MYO16: variants seen among roughly 807,000 people sequenced by gnomAD.
MYO16 encodes unconventional myosin-XVI.
A neutral mutation model predicts 205.3 loss-of-function variants in MYO16; 94 were observed. The ratio of observed to expected loss-of-function variants is 0.46; its 90% CI spans 0.39 to 0.54. The LOEUF is 0.54. Ranked by LOEUF, MYO16 falls within the 20% of genes least tolerant of loss-of-function variation. MYO16 has a pLI of 0.00. For synonymous variants in MYO16, 988 were observed against 954.0 expected (o/e 1.04, Z -0.66); for missense variants, 2,315 against 2,387.5 (o/e 0.97, Z 0.63).
intron 2 of MYO16, among the ~76,000 whole-genome samples, chr13:108,675,289 G>A (rs879331199): frequency 2.0e-5 from 3 of 152,176 alleles, no homozygotes; most frequent in African/African-American, 4.8e-5. Flanking sequence ...GCCCTCCGGG[G>A]CAGGTTAGAA....
chr13:108,536,442 T>C, the MYO16 span, among the ~76,000 whole-genome samples: 1 of 149,864 alleles, frequency 6.7e-6, no homozygotes, highest in East Asian at 2.0e-4. Context: ...TCCTTGTTTC[T>C]TGGAGCTGTA....
intron 15 of MYO16, among the ~76,000 whole-genome samples, chr13:108,904,917 T>G (rs1363413422): frequency 1.3e-5 from 2 of 152,202 alleles, no homozygotes; most frequent in Non-Finnish European, 2.9e-5. Context: ...ACGCAGTTTT[T>G]TATATAGTAC....
intron 14 of MYO16, among the ~76,000 whole-genome samples, chr13:108,895,144 C>T (rs192410657): frequency 1.3e-5 from 2 of 151,828 alleles, no homozygotes. Flanking sequence ...TTAACTCCTA[C>T]CATAATAGTC....
chr13:108,534,798 TCTTC>T, the MYO16 span, among the ~76,000 whole-genome samples: 22 of 150,594 alleles, frequency 1.5e-4, no homozygotes, highest in Non-Finnish European at 2.1e-4. Context: ...TTCTTCTTCT[TCTTC>T]CTTCCTTCCT....
At chr13:108,694,373 G>A (rs1424558144) in intron 2 of MYO16, among the ~76,000 whole-genome samples, 2 of 152,088 alleles carry the variant, frequency 1.3e-5, no homozygotes, top group Non-Finnish European at 2.9e-5. Flanking sequence ...TTTCTACAGT[G>A]GCGAAACCAT....
At chr13:108,971,155 G>T (rs1174461139) in intron 20 of MYO16, among the ~76,000 whole-genome samples, 1 of 152,002 alleles carries the variant, frequency 6.6e-6, no homozygotes, top group African/African-American at 2.4e-5. Flanking sequence ...ATTAGCAAAT[G>T]TTAAATTCAA....
chr13:109,142,242 C>G (rs1244134732), intron 32 of MYO16, among the ~76,000 whole-genome samples: 1 of 152,204 alleles, frequency 6.6e-6, no homozygotes, highest in Admixed American at 6.5e-5. Context: ...ATGTCTTCCT[C>G]TTCCAAAAGA....
chr13:108,961,572 A>G lies in MYO16; in HGVS notation c.2071A>G (p.Ile691Val), dbSNP rs1254103446. ...VENLFVILAA[I>V]LHLGDIRFTA... ...GAATCTGTTCGTAATTCTAGCAGCA[A>G]TATTGCACCTTGGAGACATTCGGTT... Residue 691 changes from isoleucine to valine, a missense_variant, in exon 18 of 35, where the codon ATA becomes GTA. Physicochemically the swap from Ile to Val is conservative, Grantham distance 29. Around this residue, in one of 3 missense-constraint regions of MYO16, gnomAD observed 1,213 missense variants for 1,274.4 expected, o/e 0.95. Coordinates refer to ENST00000457511, the MANE Select transcript of MYO16 (RefSeq NM_001198950.3). 2.5e-6 allele frequency: 4 copies of G among 1,614,142 alleles called. No individual in the cohort carries two copies. Among genetic ancestry groups the G allele is most frequent in the South Asian group, 2.2e-5 (2 of 91,088 alleles).
At chr13:109,204,831 G>A (rs1880533993) in intron 34 of MYO16, among the ~76,000 whole-genome samples, 1 of 152,086 alleles carries the variant, frequency 6.6e-6, no homozygotes. Context: ...CACTTTACAG[G>A]GCTCTTAAGA....
intron 12 of MYO16, among the ~76,000 whole-genome samples, chr13:108,882,178 G>A (rs1434904138): frequency 6.6e-6 from 1 of 152,136 alleles, no homozygotes; most frequent in Admixed American, 6.5e-5. Flanking sequence ...TTTAAACAAA[G>A]GTATTCTCCT....
chr13:108,887,682 A>G (rs1271955654), intron 13 of MYO16, among the ~76,000 whole-genome samples: 1 of 152,224 alleles, frequency 6.6e-6, no homozygotes, highest in Non-Finnish European at 1.5e-5. Flanking sequence ...ACTAGAGAAC[A>G]TCAGAACTGA....
intron 20 of MYO16, among the ~76,000 whole-genome samples, chr13:108,972,530 C>T (rs947331229): frequency 2.7e-5 from 4 of 149,056 alleles, no homozygotes; most frequent in Non-Finnish European, 4.4e-5. Flanking sequence ...ACATTTCACT[C>T]GTGATCTTTT....
chr13:108,707,162 T>C (rs1883540450), intron 2 of MYO16, among the ~76,000 whole-genome samples: 1 of 152,166 alleles, frequency 6.6e-6, no homozygotes, highest in Non-Finnish European at 1.5e-5. Flanking sequence ...TCCAACAACC[T>C]GGCTAGACCC....
rs200982211 is a variant in MYO16, at chr13:108,751,720, ATGGCTT to A, written c.507+24139_507+24144del. On this transcript the variant is annotated intron_variant, in intron 4 of 34. Transcript: ENST00000457511. ...ACACCCTTCATGTGATGTCATGGGA[ATGGCTT>A]TCTACCTCTGTGAGACACCTCCAAA... Among the ~76,000 whole-genome samples the A allele has an allele frequency of 5.5e-3, 844 of 152,290 alleles. 6 individuals are homozygous for A. Among genetic ancestry groups the A allele is most frequent in the African/African-American group, 0.019 (787 of 41,554 alleles).
chr13:108,961,409 G>T, intron 17 of MYO16, 130 bp from the exon 18 acceptor site: 1 of 656,686 alleles, frequency 1.5e-6, no homozygotes. Context: ...GAACATTTGG[G>T]ATCTGCAAAC....
At chr13:108,708,998 AC>A (rs1883621583) in intron 2 of MYO16, among the ~76,000 whole-genome samples, 1 of 128,862 alleles carries the variant, frequency 7.8e-6, no homozygotes, top group Non-Finnish European at 1.6e-5. Context: ...ATGCCCCCCC[AC>A]CCCCTCCCAC....
At chr13:108,895,880 A>G (rs374095283) in intron 14 of MYO16, among the ~76,000 whole-genome samples, 1 of 152,224 alleles carries the variant, frequency 6.6e-6, no homozygotes, top group African/African-American at 2.4e-5. Flanking sequence ...TATTTGCTGA[A>G]TGTTTTCTCT....
the MYO16 span, among the ~76,000 whole-genome samples, chr13:108,545,198 T>G: frequency 6.6e-6 from 1 of 152,122 alleles, no homozygotes; most frequent in South Asian, 2.1e-4. Flanking sequence ...GTTGTTCCCT[T>G]CTTTGTGTCC....
intron 28 of MYO16, 34 bp from the exon 29 acceptor site, chr13:109,120,336 G>C (rs55839751): frequency 1.4e-6 from 2 of 1,417,750 alleles, no homozygotes; most frequent in African/African-American, 1.4e-5. Flanking sequence ...GTATCTTCAT[G>C]CTGTTAAATG....
Sources: gnomAD v4.1 joint callset for allele counts (sites outside exome capture counted in the v4.1 genomes callset) on GRCh38, gnomAD v4.1.1 for gene constraint, gnomAD v4.1.1 regional missense constraint, MANE v1.5 for transcripts, NCBI Gene and HGNC (gene_info 2026-07-23, HGNC 2026-07-21) for gene names.